The following SV2C variants were observed in gnomAD, a reference collection of about 807,000 sequenced individuals.
SV2C encodes solute carrier family 22 member B3.
In SV2C, 49 loss-of-function variants were observed where a neutral mutation model predicts 79.7. The ratio of observed to expected loss-of-function variants is 0.61; its 90% CI spans 0.49 to 0.78. SV2C has a LOEUF of 0.78. Among genes scored for constraint, SV2C ranks in the 30% least tolerant of loss-of-function variants. The pLI, the probability that SV2C is intolerant of heterozygous loss-of-function variation, is 0.00. For missense variants in SV2C, 833 were observed against 912.9 expected, an observed-to-expected ratio of 0.91 and a Z score of 1.13; for synonymous variants, 334 against 333.2, an observed-to-expected ratio of 1.00 and a Z score of -0.03.
At chr5:76,203,113 A>G (rs1462495518) in intron 3 of SV2C, among the ~76,000 whole-genome samples, 1 of 152,194 alleles carries the variant, frequency 6.6e-6, no homozygotes, top group Non-Finnish European at 1.5e-5. Context: ...CAAAGGTACT[A>G]TTGATCACAA....
chr5:76,267,096 G>A (rs951634227), intron 4 of SV2C, among the ~76,000 whole-genome samples: 1 of 152,176 alleles, frequency 6.6e-6, no homozygotes, highest in African/African-American at 2.4e-5. Context: ...TTGGGAGGGC[G>A]ACATTCCTGA....
intron 7 of SV2C, 91 bp downstream of exon 7, chr5:76,291,422 G>A (rs375078489): frequency 2.1e-5 from 22 of 1,049,506 alleles, no homozygotes; most frequent in South Asian, 6.8e-5. Flanking sequence ...CCCTATGAGC[G>A]AGGTTCTTTC....
the SV2C span, among the ~76,000 whole-genome samples, chr5:76,011,580 G>A: frequency 8.1e-4 from 123 of 151,818 alleles, 1 homozygote; most frequent in East Asian, 0.016. Context: ...AGATATTACC[G>A]ACTAACCTAT....
At chr5:75,974,090 C>CTAT in the SV2C span, among the ~76,000 whole-genome samples, 2 of 151,862 alleles carry the variant, frequency 1.3e-5, no homozygotes, top group African/African-American at 4.8e-5. Flanking sequence ...TTTATCATTA[C>CTAT]TATTATTATT....
At chr5:76,022,872 C>T in the SV2C span, among the ~76,000 whole-genome samples, 1 of 152,174 alleles carries the variant, frequency 6.6e-6, no homozygotes, top group South Asian at 2.1e-4. Flanking sequence ...ATTATCTTTA[C>T]ATCTAAGTTG....
At chr5:76,049,004 A>AAAGG in the SV2C span, among the ~76,000 whole-genome samples, 1 of 106,244 alleles carries the variant, frequency 9.4e-6, no homozygotes, top group Non-Finnish European at 2.1e-5. Flanking sequence ...AGAAAGAAAG[A>AAAGG]AAGAAAGAAA....
intron 2 of SV2C, among the ~76,000 whole-genome samples, chr5:76,172,439 C>A (rs1468067290): frequency 1.2e-5 from 1 of 81,190 alleles, no homozygotes; most frequent in Non-Finnish European, 2.5e-5. Context: ...TCAGCCCCCC[C>A]GCCCAGCCAG....
intron 2 of SV2C, among the ~76,000 whole-genome samples, chr5:76,157,638 A>AT (rs1742772975): frequency 6.6e-6 from 1 of 151,938 alleles, no homozygotes. Flanking sequence ...TTTGCTAACA[A>AT]AGGAGGTAGG....
chr5:76,174,497 G>A (rs1267206436), intron 2 of SV2C, among the ~76,000 whole-genome samples: 1 of 152,214 alleles, frequency 6.6e-6, no homozygotes, highest in Non-Finnish European at 1.5e-5. Context: ...AAGAAAGAGA[G>A]AGATCCTGAA....
intron 2 of SV2C, among the ~76,000 whole-genome samples, chr5:76,166,043 C>A (rs547458723): frequency 6.6e-6 from 1 of 152,264 alleles, no homozygotes; most frequent in Non-Finnish European, 1.5e-5. Flanking sequence ...CTGAGTGTTC[C>A]CTCCGCCTGT....
chr5:75,920,753 G>A, the SV2C span: 3 of 779,480 alleles, frequency 3.8e-6, no homozygotes, highest in Non-Finnish European at 4.7e-6. Flanking sequence ...GGTTCAGGAG[G>A]ATGGTCTCTT....
chr5:75,850,676 G>A, the SV2C span, among the ~76,000 whole-genome samples: 52 of 151,986 alleles, frequency 3.4e-4, no homozygotes, highest in Middle Eastern at 3.4e-3. Context: ...AGAATTTACC[G>A]AGACAATTTT....
At chr5:75,939,774 C>T in the SV2C span, among the ~76,000 whole-genome samples, 1 of 152,154 alleles carries the variant, frequency 6.6e-6, no homozygotes, top group Non-Finnish European at 1.5e-5. Context: ...GCCCTCTGCC[C>T]TGCTCTGGCA....
the SV2C span, among the ~76,000 whole-genome samples, chr5:76,052,570 G>A: frequency 7.7e-3 from 1,167 of 152,306 alleles, 18 homozygotes; most frequent in African/African-American, 0.026. Context: ...CATGTCTGTC[G>A]TGTTTCATCC....
At chr5:76,271,908 G>A (rs1746882001) in intron 4 of SV2C, among the ~76,000 whole-genome samples, 2 of 152,208 alleles carry the variant, frequency 1.3e-5, no homozygotes, top group South Asian at 2.1e-4. Context: ...CCCCTTGCTT[G>A]AGGCACAAGG....
the SV2C span, among the ~76,000 whole-genome samples, chr5:75,853,196 G>A: frequency 0.012 from 1,838 of 152,166 alleles, 36 homozygotes; most frequent in African/African-American, 0.04. Context: ...AAGTCAATAA[G>A]GGGCATAATA....
At chr5:76,291,085 T>G in intron 6 of SV2C, 136 bp from the exon 7 acceptor site, 1 of 524,586 alleles carries the variant, frequency 1.9e-6, no homozygotes, top group Non-Finnish European at 3.4e-6. Context: ...TGGTCTCATA[T>G]ATGTATGAAC....
At chr5:75,915,085 A>G in the SV2C span, among the ~76,000 whole-genome samples, 3,426 of 152,286 alleles carry the variant, frequency 0.022, 90 homozygotes, top group African/African-American at 0.063. Flanking sequence ...CCATGATTCA[A>G]TTACCTCCCA....
chr5:76,145,994 A>C (rs1159813634), intron 2 of SV2C, among the ~76,000 whole-genome samples: 3 of 152,236 alleles, frequency 2.0e-5, no homozygotes, highest in African/African-American at 7.2e-5. Context: ...CACACACACA[A>C]AAATTCTTCT....
Sources: allele counts gnomAD v4.1 joint callset (sites outside exome capture counted in the v4.1 genomes callset), GRCh38; gene constraint gnomAD v4.1.1; transcripts MANE v1.5; gene names NCBI Gene and HGNC (gene_info 2026-07-23, HGNC 2026-07-21).